The following ALG6 variants were observed in gnomAD, a reference collection of about 807,000 sequenced individuals.
ALG6 encodes dolichyl pyrophosphate Man9GlcNAc2 alpha-1,3-glucosyltransferase.
Under a neutral mutation model 66.6 loss-of-function variants are expected in ALG6, and 46 were observed. That is an observed-to-expected ratio of 0.69 (90% CI 0.55 to 0.88). The LOEUF is 0.88. Ranked by LOEUF, ALG6 falls within the 40% of genes least tolerant of loss-of-function variation. The pLI is 0.00. For synonymous variants in ALG6, 185 were observed against 203.7 expected (o/e 0.91, Z 0.78); for missense variants, 505 against 586.8 (o/e 0.86, Z 1.44).
chr1:63,403,958 A>G (rs1159005286), intron 4 of ALG6, among the ~76,000 whole-genome samples: 1 of 152,190 alleles, frequency 6.6e-6, no homozygotes, highest in Non-Finnish European at 1.5e-5. Context: ...TAAACTCCCA[A>G]ACATCATCAT....
chr1:63,422,090 T>A (rs1324196550), intron 12 of ALG6, among the ~76,000 whole-genome samples: 65 of 115,724 alleles, frequency 5.6e-4, no homozygotes, highest in African/African-American at 2.1e-3. Flanking sequence ...TAAATAAATA[T>A]ATAAATATAT....
intron 12 of ALG6, chr1:63,428,126 A>G (rs1248748673): frequency 1.3e-5 from 2 of 152,474 alleles, no homozygotes; most frequent in Non-Finnish European, 1.5e-5. Flanking sequence ...CAATTCTTTG[A>G]TAAAGCCAGT....
chr1:63,407,208 A>T (rs752361744), intron 7 of ALG6, 82 bp downstream of exon 7: 13 of 972,580 alleles, frequency 1.3e-5, no homozygotes, highest in Non-Finnish European at 2.2e-5. Flanking sequence ...TCATCTAGTA[A>T]TGTCTTATTT....
chr1:63,409,105 T>C (rs1451535827), intron 7 of ALG6, among the ~76,000 whole-genome samples: 1 of 152,220 alleles, frequency 6.6e-6, no homozygotes, highest in Non-Finnish European at 1.5e-5. Context: ...TTAACCATTA[T>C]GTACTTTTCT....
chr1:63,394,562 G>T (rs543416042), intron 2 of ALG6, among the ~76,000 whole-genome samples: 3 of 152,106 alleles, frequency 2.0e-5, no homozygotes, highest in African/African-American at 7.2e-5. Context: ...GTAGAGATGG[G>T]GTTTCACCAT....
chr1:63,429,800 A>G (rs11208217), intron 14 of ALG6: 32,470 of 152,136 alleles, frequency 0.21, 4,042 homozygotes, highest in African/African-American at 0.35. Context: ...AATTCAGTCC[A>G]TAACATGGGA....
Position 63,415,927 on chromosome 1 carries a change from G to C in ALG6, c.957G>C (p.Gln319His). 6.2e-7 allele frequency: 1 copy of C among 1,612,168 alleles called. No individual in the cohort carries two copies. Among genetic ancestry groups the C allele is most frequent in the Non-Finnish European group, 8.5e-7 (1 of 1,178,554 alleles). ...LLPACIKLIL[Q>H]PSSKGFKFTL... is the part of the protein sequence containing the mutation. ...CTGCATGCATAAAATTAATACTTCAGCCCTCTTCCAAAGGATTCAAATTTA... is the reference window on the plus strand; with the variant it reads ...CTGCATGCATAAAATTAATACTTCACCCCTCTTCCAAAGGATTCAAATTTA... The change falls in exon 11 of 15, where the codon CAG (glutamine) becomes CAC (histidine). Residue 319 changes from glutamine to histidine, a missense_variant. Physicochemically the swap from Gln to His is conservative, Grantham distance 24. Transcript: ENST00000263440.
At chr1:63,399,694 A>C (rs530734925) in intron 3 of ALG6, among the ~76,000 whole-genome samples, 4,021 of 152,272 alleles carry the variant, frequency 0.026, 165 homozygotes, top group African/African-American at 0.092. Context: ...TTCTTTAAAC[A>C]AAAATACCAA....
chr1:63,397,499 C>T (rs978419069), intron 3 of ALG6, among the ~76,000 whole-genome samples: 4 of 151,966 alleles, frequency 2.6e-5, no homozygotes, highest in Non-Finnish European at 5.9e-5. Context: ...TGTTCGTTTT[C>T]GTATGGTCTC....
chr1:63,415,182 C>G (rs1338814912), intron 10 of ALG6, among the ~76,000 whole-genome samples: 1 of 152,086 alleles, frequency 6.6e-6, no homozygotes, highest in Admixed American at 6.6e-5. Flanking sequence ...TCAGCCTAGC[C>G]AAGTTGATGA....
intron 6 of ALG6, 123 bp downstream of exon 6, chr1:63,406,522 T>G: frequency 3.6e-6 from 3 of 837,416 alleles, no homozygotes; most frequent in Middle Eastern, 3.5e-4. Flanking sequence ...TATTGTATCT[T>G]CTATCAATTT....
intron 3 of ALG6, among the ~76,000 whole-genome samples, chr1:63,398,856 G>A (rs2100407309): frequency 6.6e-6 from 1 of 152,242 alleles, no homozygotes; most frequent in African/African-American, 2.4e-5. Context: ...GTAATGATTT[G>A]TATGATTTTT....
intron 2 of ALG6, among the ~76,000 whole-genome samples, chr1:63,384,965 T>A (rs1455906040): frequency 6.6e-6 from 1 of 152,132 alleles, no homozygotes; most frequent in Non-Finnish European, 1.5e-5. Context: ...TTGGGGTCTT[T>A]TGTGGTTCCA....
chr1:63,425,718 T>C (rs1317176564), intron 12 of ALG6, among the ~76,000 whole-genome samples: 1 of 152,070 alleles, frequency 6.6e-6, no homozygotes, highest in Non-Finnish European at 1.5e-5. Context: ...TGGTGGAGAG[T>C]TGAGTATTTC....
intron 2 of ALG6, among the ~76,000 whole-genome samples, chr1:63,382,858 A>G (rs1648375313): frequency 6.6e-6 from 1 of 151,192 alleles, no homozygotes; most frequent in Admixed American, 6.6e-5. Context: ...TTGTATTTTT[A>G]TTAGAGACAG....
rs1402523878 is a variant in ALG6, at chr1:63,437,070, G to A, written c.*50G>A. On this transcript the variant is annotated 3_prime_UTR_variant, in exon 15 of 15. Coordinates refer to ENST00000263440, the MANE Select transcript of ALG6 (RefSeq NM_013339.4). Reference sequence around the variant, plus strand: ...CTAAACAAATGTGAAAATGTGAACAGTGCTGAAAGGTTTTGTGAACTTTTT... The same window carrying A: ...CTAAACAAATGTGAAAATGTGAACAATGCTGAAAGGTTTTGTGAACTTTTT... 6.5e-7 allele frequency: 1 copy of A among 1,532,736 alleles called. No individual in the cohort carries two copies. The highest frequency in any genetic ancestry group is 9.0e-7 in the Non-Finnish European group (1 of 1,116,134). 94.9% of individuals were successfully genotyped at this position (1,532,736 alleles called of 1,614,324 possible). A position where few individuals can be genotyped will look rare whatever the true frequency, so the allele number is the denominator to read the frequency against.
chr1:63,428,975 T>C lies in ALG6; in HGVS notation c.1175T>C (p.Val392Ala), dbSNP rs763908466. 1 of 1,613,092 alleles carries C rather than the reference T, an allele frequency of 6.2e-7. No homozygotes were observed. The highest frequency in any genetic ancestry group is 8.5e-7 in the Non-Finnish European group (1 of 1,179,640). ...LKDELLMPSV[V>A]TTMAFFIACV... The stretch of plus-strand genomic sequence containing the variant: ...GATGAACTCCTAATGCCCTCTGTTG[T>C]GACAACAATGGCATTTTTTATAGCT... Residue 392 changes from valine (V) to alanine (A), a missense_variant, in exon 14 of 15, where the codon GTG becomes GCG. Val to Ala is a moderately conservative substitution (Grantham distance 64). Transcript: ENST00000263440.
chr1:63,389,330 T>TA (rs1310481417), intron 2 of ALG6, among the ~76,000 whole-genome samples: 136 of 152,196 alleles, frequency 8.9e-4, no homozygotes, highest in Non-Finnish European at 1.8e-4. Context: ...TTGAGCTTAC[T>TA]AATTCTTTCT....
intron 2 of ALG6, among the ~76,000 whole-genome samples, chr1:63,391,093 G>A (rs752223570): frequency 2.6e-5 from 4 of 152,142 alleles, no homozygotes; most frequent in Non-Finnish European, 5.9e-5. Context: ...CTCTGTCATA[G>A]TTTGTTTTTT....
Sources: gnomAD v4.1 joint callset for allele counts (sites outside exome capture counted in the v4.1 genomes callset) on GRCh38, gnomAD v4.1.1 for gene constraint, MANE v1.5 for transcripts, NCBI Gene and HGNC (gene_info 2026-07-23, HGNC 2026-07-21) for gene names.